The following DOCK10 variants were observed in gnomAD, a reference collection of about 807,000 sequenced individuals.
DOCK10 encodes dedicator of cytokinesis protein 10.
DOCK10 carries 145 observed loss-of-function variants against 280.1 expected under a neutral mutation model. The observed-to-expected ratio is 0.52, with a 90% CI of 0.45 to 0.59. The LOEUF is 0.59. Among genes scored for constraint, DOCK10 ranks in the 20% least tolerant of loss-of-function variants. The pLI is 0.00. For missense variants in DOCK10, 2,368 were observed against 2,651.7 expected, an observed-to-expected ratio of 0.89 and a Z score of 2.35; for synonymous variants, 915 against 942.2, an observed-to-expected ratio of 0.97 and a Z score of 0.53.
At chr2:225,022,015 G>A (rs924073335) in intron 1 of DOCK10, among the ~76,000 whole-genome samples, 1 of 152,054 alleles carries the variant, frequency 6.6e-6, no homozygotes, top group African/African-American at 2.4e-5. Context: ...TTAGTAGGTG[G>A]CAAAAGAACA....
At chr2:224,798,240 C>A (rs1294941907) in intron 41 of DOCK10, among the ~76,000 whole-genome samples, 2 of 152,136 alleles carry the variant, frequency 1.3e-5, no homozygotes, top group African/African-American at 4.8e-5. Flanking sequence ...CAGCAAAGAC[C>A]TCTCTAATGG....
intron 27 of DOCK10, among the ~76,000 whole-genome samples, chr2:224,825,027 T>C (rs1463378567): frequency 6.7e-6 from 1 of 149,420 alleles, no homozygotes; most frequent in Admixed American, 6.7e-5. Context: ...TTGTCCAGGC[T>C]GGAGTGCAGT....
chr2:224,789,210 A>G (rs763295854), intron 47 of DOCK10, 40 bp from the exon 48 acceptor site: 33 of 1,418,086 alleles, frequency 2.3e-5, no homozygotes, highest in Non-Finnish European at 3.3e-5. Context: ...ATTATTTGAG[A>G]CAAATTTTGC....
chr2:224,805,128 A>C lies in DOCK10; in HGVS notation c.4052-4T>G, dbSNP rs1693303047. ...TGCCAGTAGGCAATCAGAGTCTCTA[A>C]AAGGAAACACCAGGTAGTATGAGAA... On this transcript the variant is annotated splice_polypyrimidine_tract_variant and splice_region_variant and intron_variant, in intron 36 of 55. Coordinates refer to ENST00000258390, the MANE Select transcript of DOCK10 (RefSeq NM_014689.3). The surrounding 1 kb of genome is among the most constrained non-coding windows in gnomAD (Gnocchi z 4.3). 6.2e-7 allele frequency: 1 copy of C among 1,610,564 alleles called. No individual in the cohort carries two copies. The highest frequency in any genetic ancestry group is 1.7e-5 in the Admixed American group (1 of 59,328).
chr2:224,983,164 T>C (rs887346009), intron 1 of DOCK10, among the ~76,000 whole-genome samples: 1 of 152,188 alleles, frequency 6.6e-6, no homozygotes, highest in Non-Finnish European at 1.5e-5. Flanking sequence ...AAAAAGCAGC[T>C]GTAAAGCATT....
At position 224,848,262 on chromosome 2, in the gene DOCK10, T is replaced by C. The variant is rs1005886007; in HGVS notation, c.2235+1245A>G. Among the ~76,000 whole-genome samples the C allele has an allele frequency of 3.3e-5, 5 of 152,308 alleles. No individual in the cohort carries two copies. The East Asian group carries it at 9.6e-4, about 29-fold the overall frequency. On this transcript the variant is annotated intron_variant, in intron 19 of 55. Coordinates refer to ENST00000258390, the MANE Select transcript of DOCK10 (RefSeq NM_014689.3). ...GTTTTAAGCTGCTAAATGGTGATAATGTGTGAAAGCAGCCATAGAAAACGT... is the reference window on the plus strand; with the variant it reads ...GTTTTAAGCTGCTAAATGGTGATAACGTGTGAAAGCAGCCATAGAAAACGT...
At chr2:224,769,052 T>G (rs1202013074) in intron 55 of DOCK10, 1 of 402,414 alleles carries the variant, frequency 2.5e-6, no homozygotes, top group Non-Finnish European at 4.9e-6. Context: ...AACTTTCAGA[T>G]CCATCATTTG....
At chr2:224,851,611 G>A (rs1696748046) in intron 18 of DOCK10, among the ~76,000 whole-genome samples, 1 of 151,984 alleles carries the variant, frequency 6.6e-6, no homozygotes, top group Non-Finnish European at 1.5e-5. Context: ...CTACCACAGA[G>A]AATGGTGGGG....
intron 4 of DOCK10, among the ~76,000 whole-genome samples, chr2:224,892,851 C>T (rs1699778683): frequency 6.6e-6 from 1 of 152,200 alleles, no homozygotes; most frequent in Admixed American, 6.5e-5. Flanking sequence ...CAGCCTCCTG[C>T]CTTTAAAGAG....
Position 224,867,676 on chromosome 2 carries a change from C to T in DOCK10, c.1258-2589G>A, listed in dbSNP as rs146812156. Among the ~76,000 whole-genome samples the T allele has an allele frequency of 4.4e-3, 664 of 152,112 alleles. 3 individuals carry two copies. The highest frequency in any genetic ancestry group is 0.015 in the African/African-American group (614 of 41,478). On this transcript the variant is annotated intron_variant, in intron 11 of 55. Coordinates refer to ENST00000258390, the MANE Select transcript of DOCK10 (RefSeq NM_014689.3). ...CAAAGACATAAGACATCAAAGAGCACAGGAAAAGAACATTAGAGTGGGATC... is the reference window on the plus strand; with the variant it reads ...CAAAGACATAAGACATCAAAGAGCATAGGAAAAGAACATTAGAGTGGGATC...
intron 29 of DOCK10, among the ~76,000 whole-genome samples, chr2:224,817,559 G>A (rs552872877): frequency 9.2e-5 from 14 of 152,152 alleles, no homozygotes; most frequent in Non-Finnish European, 1.9e-4. Flanking sequence ...TTAAACCTTT[G>A]TACATCAAAG....
At chr2:225,022,337 T>C (rs531428591) in intron 1 of DOCK10, among the ~76,000 whole-genome samples, 6 of 152,342 alleles carry the variant, frequency 3.9e-5, no homozygotes, top group African/African-American at 9.6e-5. Flanking sequence ...GTTTCCCTTA[T>C]TGGATCAAAC....
intron 7 of DOCK10, among the ~76,000 whole-genome samples, chr2:224,877,975 C>A (rs1329290665): frequency 6.6e-6 from 1 of 152,090 alleles, no homozygotes; most frequent in African/African-American, 2.4e-5. Context: ...TGTAATAGAG[C>A]AAACCCTAAC....
intron 1 of DOCK10, among the ~76,000 whole-genome samples, chr2:224,932,746 T>G (rs1702466299): frequency 6.6e-6 from 1 of 152,198 alleles, no homozygotes; most frequent in Non-Finnish European, 1.5e-5. Flanking sequence ...CATGCCACCC[T>G]TCCTCATTCT....
At chr2:224,905,908 G>A (rs1045689655) in intron 3 of DOCK10, among the ~76,000 whole-genome samples, 2 of 152,026 alleles carry the variant, frequency 1.3e-5, no homozygotes, top group Non-Finnish European at 2.9e-5. Context: ...GTGTTCATGG[G>A]CATACTCTTC....
At chr2:224,901,873 ATCT>A (rs1700318600) in intron 3 of DOCK10, among the ~76,000 whole-genome samples, 1 of 152,228 alleles carries the variant, frequency 6.6e-6, no homozygotes, top group African/African-American at 2.4e-5. Flanking sequence ...AGCTGGAATT[ATCT>A]TCTTGTTTTC....
chr2:224,990,598 A>AGTT (rs930407510), intron 1 of DOCK10, among the ~76,000 whole-genome samples: 9 of 122,350 alleles, frequency 7.4e-5, no homozygotes, highest in South Asian at 4.2e-4. Context: ...TTTTTGTTGT[A>AGTT]GTTGTTGTTG....
At chr2:224,787,252 T>C (rs1691794860) in intron 49 of DOCK10, 23 bp downstream of exon 49, 1 of 1,613,650 alleles carries the variant, frequency 6.2e-7, no homozygotes. Flanking sequence ...TTTAATTAAC[T>C]TCTAGGGGGT....
At chr2:225,040,738 G>A (rs1212184806) in intron 1 of DOCK10, among the ~76,000 whole-genome samples, 3 of 152,194 alleles carry the variant, frequency 2.0e-5, no homozygotes, top group African/African-American at 7.2e-5. Flanking sequence ...TTTTGTCAAG[G>A]GAATGGCAGA....
Sources: allele counts gnomAD v4.1 joint callset (sites outside exome capture counted in the v4.1 genomes callset), GRCh38; gene constraint gnomAD v4.1.1; non-coding constraint Gnocchi (gnomAD v3.1); transcripts MANE v1.5; gene names NCBI Gene and HGNC (gene_info 2026-07-23, HGNC 2026-07-21).